The following SBF2 variants were observed in gnomAD, a reference collection of about 807,000 sequenced individuals.
SBF2 encodes myotubularin-related protein 13.
A neutral mutation model predicts 225.2 loss-of-function variants in SBF2; 112 were observed. That is an observed-to-expected ratio of 0.50 (90% confidence interval 0.43 to 0.58). The LOEUF is 0.58. Ranked by LOEUF, SBF2 falls within the 20% of genes least tolerant of loss-of-function variation. The probability of loss-of-function intolerance (pLI) is 0.00; values close to 1 mark genes in which losing one functional copy is unlikely to be tolerated. For synonymous variants in SBF2, 763 were observed against 773.3 expected (o/e 0.99, Z 0.22); for missense variants, 1,996 against 2,206.2 (o/e 0.90, Z 1.91).
intron 1 of SBF2, among the ~76,000 whole-genome samples, chr11:10,281,868 A>T (rs971741006): frequency 3.3e-5 from 5 of 152,192 alleles, no homozygotes; most frequent in African/African-American, 1.2e-4. Context: ...TTTAAGTCAT[A>T]ACATCACAAG....
At chr11:10,176,847 C>A (rs2135270702) in intron 2 of SBF2, among the ~76,000 whole-genome samples, 1 of 152,228 alleles carries the variant, frequency 6.6e-6, no homozygotes, top group Middle Eastern at 3.4e-3. Context: ...TTTATGAGGC[C>A]AGCATCATCC....
At chr11:10,085,174 G>A (rs752954087) in intron 2 of SBF2, among the ~76,000 whole-genome samples, 1 of 152,128 alleles carries the variant, frequency 6.6e-6, no homozygotes, top group Non-Finnish European at 1.5e-5. Flanking sequence ...TGTTTTTTCA[G>A]GCTGACTTCA....
rs369539746 is a variant in SBF2, at chr11:10,060,380, A to G, written c.142-17399T>C. Among the ~76,000 whole-genome samples, 3 of 152,328 alleles carry G rather than the reference A, an allele frequency of 2.0e-5. No homozygotes were observed. In the East Asian group the frequency reaches 5.8e-4, roughly 29 times the overall value. On this transcript the variant is annotated intron_variant, in intron 2 of 39. Coordinates refer to ENST00000256190, the MANE Select transcript of SBF2 (RefSeq NM_030962.4). Reference sequence around the variant, plus strand: ...TACTAACAAGCTCCGAAACTGAATCAGTAATAAATAGCCTACCAACCAAAG... The same window carrying G: ...TACTAACAAGCTCCGAAACTGAATCGGTAATAAATAGCCTACCAACCAAAG...
Position 10,169,950 on chromosome 11 carries a change from C to CATAT in SBF2, c.141+23948_141+23951dup, listed in dbSNP as rs147547299. Among the ~76,000 whole-genome samples the CATAT allele has an allele frequency of 2.7e-3, 406 of 152,260 alleles. 1 individual carries two copies. Among genetic ancestry groups the CATAT allele is most frequent in the African/African-American group, 9.5e-3 (394 of 41,556 alleles). On this transcript the variant is annotated intron_variant, in intron 2 of 39. Coordinates refer to ENST00000256190, the MANE Select transcript of SBF2 (RefSeq NM_030962.4). ...TGATCAGTGATGCTGAGCACCTTTT[C>CATAT]ATATAACTGTTTGCCATTCATATGT...
At position 10,124,086 on chromosome 11, in the gene SBF2, A is replaced by C. The variant is rs974591746; in HGVS notation, c.141+69816T>G. Among the ~76,000 whole-genome samples the C allele has an allele frequency of 3.3e-5, 5 of 152,198 alleles. No homozygotes were observed. In the East Asian group the frequency reaches 5.8e-4, roughly 18 times the overall value. On this transcript the variant is annotated intron_variant, in intron 2 of 39. Transcript: ENST00000256190. ...ACTTTTATTTTAGATTGCCTTTAAAAAATTATGACTGAGATTGCAGGCAGC... is the reference window on the plus strand; with the variant it reads ...ACTTTTATTTTAGATTGCCTTTAAACAATTATGACTGAGATTGCAGGCAGC...
intron 2 of SBF2, among the ~76,000 whole-genome samples, chr11:10,058,158 C>T (rs1950317577): frequency 6.6e-6 from 1 of 152,178 alleles, no homozygotes; most frequent in African/African-American, 2.4e-5. Context: ...GAGTTCTTAA[C>T]TAGGCCAAAC....
intron 6 of SBF2, among the ~76,000 whole-genome samples, chr11:10,007,444 A>C (rs1422950546): frequency 6.6e-6 from 1 of 152,194 alleles, no homozygotes; most frequent in Non-Finnish European, 1.5e-5. Flanking sequence ...ACGACCAGGA[A>C]TCTTGGACAG....
In SBF2 at chr11:9,968,871, T is replaced by C. The variant is rs555496305; in HGVS notation, c.1396-326A>G. Among the ~76,000 whole-genome samples, 5 of 152,308 alleles carry C rather than the reference T, an allele frequency of 3.3e-5. No individual in the cohort carries two copies. The East Asian group carries it at 9.6e-4, about 29-fold the overall frequency. ...CAGGGCTCAGTCCTTGGGTCTTTTT[T>C]CTATTAACATTCATTCCTTGGTGAT... On this transcript the variant is annotated intron_variant, in intron 13 of 39. Transcript: ENST00000256190.
intron 14 of SBF2, among the ~76,000 whole-genome samples, chr11:9,967,943 G>GTC (rs1213862161): frequency 2.9e-5 from 3 of 104,898 alleles, no homozygotes; most frequent in Admixed American, 1.0e-4. Flanking sequence ...CTGTCTGTCT[G>GTC]TCTGTCTCTC....
chr11:10,178,764 A>C (rs994247680), intron 2 of SBF2, among the ~76,000 whole-genome samples: 1 of 145,566 alleles, frequency 6.9e-6, no homozygotes, highest in Non-Finnish European at 1.5e-5. Flanking sequence ...AACTAGTTCA[A>C]CCATTGTGGA....
At chr11:9,941,280 C>T (rs1158045238) in intron 16 of SBF2, among the ~76,000 whole-genome samples, 3 of 152,194 alleles carry the variant, frequency 2.0e-5, no homozygotes, top group Admixed American at 6.5e-5. Flanking sequence ...CCCACCCCTG[C>T]GTGCCAGCCC....
chr11:9,943,822 T>G (rs1472835321), intron 16 of SBF2, among the ~76,000 whole-genome samples: 1 of 152,212 alleles, frequency 6.6e-6, no homozygotes, highest in East Asian at 1.9e-4. Flanking sequence ...AATAATTTGT[T>G]ATAATCTAAC....
chr11:9,958,873 A>G, intron 16 of SBF2: 1 of 670,984 alleles, frequency 1.5e-6, no homozygotes, highest in Non-Finnish European at 2.8e-6. Flanking sequence ...CCTGGCCAAC[A>G]GTCTGGGGAA....
chr11:9,892,366 C>T (rs1420884896), intron 17 of SBF2, among the ~76,000 whole-genome samples: 2 of 151,418 alleles, frequency 1.3e-5, no homozygotes, highest in African/African-American at 4.9e-5. Flanking sequence ...TGATCCACCA[C>T]CAAAAAAAAG....
chr11:10,036,150 C>G (rs1949429548), intron 3 of SBF2, among the ~76,000 whole-genome samples: 1 of 152,184 alleles, frequency 6.6e-6, no homozygotes, highest in Admixed American at 6.5e-5. Flanking sequence ...TCTCGGCAAA[C>G]TAACACAAGA....
chr11:9,786,996 A>G (rs1253457066), intron 36 of SBF2, among the ~76,000 whole-genome samples: 4 of 152,286 alleles, frequency 2.6e-5, no homozygotes, highest in African/African-American at 9.6e-5. Flanking sequence ...CCTGAGTTCA[A>G]GAGATTCTCC....
chr11:10,005,434 C>T (rs2134527846), intron 6 of SBF2, among the ~76,000 whole-genome samples: 1 of 152,236 alleles, frequency 6.6e-6, no homozygotes, highest in Non-Finnish European at 1.5e-5. Context: ...ATATAAAATC[C>T]CGAGTCAAAG....
chr11:10,056,842 C>G (rs1412249689), intron 2 of SBF2, among the ~76,000 whole-genome samples: 3 of 152,174 alleles, frequency 2.0e-5, no homozygotes, highest in Non-Finnish European at 2.9e-5. Flanking sequence ...CCGTTCTAGT[C>G]TTTGGGCTTT....
intron 32 of SBF2, among the ~76,000 whole-genome samples, chr11:9,807,144 C>G (rs897595615): frequency 2.0e-5 from 3 of 152,208 alleles, no homozygotes; most frequent in African/African-American, 7.2e-5. Flanking sequence ...ATTCATCCAA[C>G]CCTGGGATTG....
Sources: allele counts gnomAD v4.1 joint callset (sites outside exome capture counted in the v4.1 genomes callset), GRCh38; gene constraint gnomAD v4.1.1; transcripts MANE v1.5; gene names NCBI Gene and HGNC (gene_info 2026-07-23, HGNC 2026-07-21).